Variants in AGPAT4 observed in about 807,000 individuals in gnomAD.
AGPAT4 encodes 1-acylglycerol-3-phosphate O-acyltransferase 4.
Under a neutral mutation model 48.0 loss-of-function variants are expected in AGPAT4, and 15 were observed. The ratio of observed to expected loss-of-function variants is 0.31; its 90% CI spans 0.21 to 0.48. The LOEUF (loss-of-function observed/expected upper bound fraction) is 0.48. AGPAT4 is among the 20% of genes least tolerant of loss of function. AGPAT4 has a pLI of 0.99. For missense variants in AGPAT4, 314 were observed against 482.5 expected (o/e 0.65, Z 3.27); for synonymous variants, 178 against 198.7 (o/e 0.90, Z 0.88).
chr6:161,183,060 C>T (rs542870407), intron 2 of AGPAT4, among the ~76,000 whole-genome samples: 2 of 152,276 alleles, frequency 1.3e-5, no homozygotes, highest in East Asian at 3.9e-4. Context: ...CTAGAGTTTC[C>T]TCCTGCCCCC....
At chr6:161,190,041 G>C (rs994728036) in intron 2 of AGPAT4, among the ~76,000 whole-genome samples, 12 of 152,146 alleles carry the variant, frequency 7.9e-5, no homozygotes, top group Admixed American at 7.9e-4. Context: ...GAATTAAAAC[G>C]AAACAGGGTG....
chr6:161,206,068 T>C lies in AGPAT4; in HGVS notation c.178+25968A>G, dbSNP rs1037861781. Among the ~76,000 whole-genome samples the C allele has an allele frequency of 1.3e-5, 2 of 152,058 alleles. No individual in the cohort carries two copies. The highest frequency in any genetic ancestry group is 2.9e-5 in the Non-Finnish European group (2 of 68,024). On this transcript the variant is annotated intron_variant, in intron 2 of 8. Coordinates refer to ENST00000320285, the MANE Select transcript of AGPAT4 (RefSeq NM_020133.3). This position sits in a 1 kb window ranked among gnomAD's most constrained non-coding sequence, Gnocchi z 4.8. ...CGTATGTTTTTTCAAGCCCGTGCGA[T>C]GTAGACAAAAAAAGCCCCAAGAAAA... is the stretch of plus-strand genomic sequence containing the variant.
chr6:161,210,095 C>A (rs1781483491), intron 2 of AGPAT4, among the ~76,000 whole-genome samples: 1 of 152,186 alleles, frequency 6.6e-6, no homozygotes, highest in Admixed American at 6.5e-5. Flanking sequence ...TTTGAAGACC[C>A]AGGATTCAGT....
rs938853583 is a variant in AGPAT4, at chr6:161,189,893, A to G, written c.179-23476T>C. 3.3e-5 allele frequency among the ~76,000 whole-genome samples: 5 copies of G among 152,194 alleles called. No homozygotes were observed. Among genetic ancestry groups the G allele is most frequent in the African/African-American group, 1.2e-4 (5 of 41,430 alleles). On this transcript the variant is annotated intron_variant, in intron 2 of 8. Transcript: ENST00000320285. This position sits in a 1 kb window ranked among gnomAD's most constrained non-coding sequence, Gnocchi z 5.3. ...GTTCTGAAATGCTCCGTTGGTTCAC[A>G]TTTTAACATGCTGAAATCAGGGTGT...
intron 2 of AGPAT4, among the ~76,000 whole-genome samples, chr6:161,179,154 G>A (rs1236852338): frequency 7.9e-5 from 12 of 152,128 alleles, no homozygotes; most frequent in Admixed American, 7.9e-4. Context: ...AAACTCAGGG[G>A]GCCATAAAGA....
At position 161,262,342 on chromosome 6, in the gene AGPAT4, C is replaced by T. The variant is rs141701831; in HGVS notation, c.-90+11596G>A. Among the ~76,000 whole-genome samples, 132 of 152,306 alleles carry T rather than the reference C, an allele frequency of 8.7e-4. No individual in the cohort carries two copies. Among genetic ancestry groups the T allele is most frequent in the African/African-American group, 3.0e-3 (126 of 41,574 alleles). ...GACTCTGCTGCCAGGACCTGAAAAG[C>T]GTGATGGAGCTGCAGCCATGGTGGC... On this transcript the variant is annotated intron_variant, in intron 1 of 8. Coordinates refer to ENST00000320285, the MANE Select transcript of AGPAT4 (RefSeq NM_020133.3). This position sits in a 1 kb window ranked among gnomAD's most constrained non-coding sequence, Gnocchi z 4.9.
intron 1 of AGPAT4, among the ~76,000 whole-genome samples, chr6:161,265,548 G>A (rs1024881548): frequency 6.6e-6 from 1 of 152,226 alleles, no homozygotes. Flanking sequence ...GGACTGCAGG[G>A]GCGCAGCACT....
chr6:161,139,342 A>G lies in AGPAT4; in HGVS notation c.1042+80T>C. On this transcript the variant is annotated intron_variant, in intron 8 of 8. Transcript: ENST00000320285. The surrounding 1 kb of genome is among the most constrained non-coding windows in gnomAD (Gnocchi z 9.1). Reference sequence around the variant, plus strand: ...ATCCACGGCACAACTGCCTATACAGATGGCCTTCGTCCCAGCCCTGATGCC... The same window carrying G: ...ATCCACGGCACAACTGCCTATACAGGTGGCCTTCGTCCCAGCCCTGATGCC... 1 of 1,484,850 alleles carries G rather than the reference A, an allele frequency of 6.7e-7. No individual in the cohort carries two copies. The highest frequency in any genetic ancestry group is 9.3e-7 in the Non-Finnish European group (1 of 1,080,104). 92.0% of individuals were successfully genotyped at this position (1,484,850 alleles called of 1,614,324 possible).
At position 161,154,088 on chromosome 6, in the gene AGPAT4, G is replaced by T; in HGVS notation, c.510+61C>A. ...ACGTGTCCTGTGGAAGTCACATGGG[G>T]GTCCCACGGTCACAGTCCTGCAGGA... On this transcript the variant is annotated intron_variant, in intron 4 of 8. Coordinates refer to ENST00000320285, the MANE Select transcript of AGPAT4 (RefSeq NM_020133.3). This position sits in a 1 kb window ranked among gnomAD's most constrained non-coding sequence, Gnocchi z 7.8. 3.7e-6 allele frequency: 6 copies of T among 1,607,432 alleles called. No homozygotes were observed. The highest frequency in any genetic ancestry group is 5.1e-6 in the Non-Finnish European group (6 of 1,176,016).
At chr6:161,263,906 A>G (rs1231140439) in intron 1 of AGPAT4, among the ~76,000 whole-genome samples, 1 of 152,216 alleles carries the variant, frequency 6.6e-6, no homozygotes, top group Non-Finnish European at 1.5e-5. Flanking sequence ...TTCTGTTACA[A>G]TATTTAGTAA....
rs1783283541 is a variant in AGPAT4, at chr6:161,266,936, A to G, written c.-90+7002T>C. On this transcript the variant is annotated intron_variant, in intron 1 of 8. Coordinates refer to ENST00000320285, the MANE Select transcript of AGPAT4 (RefSeq NM_020133.3). The surrounding 1 kb of genome is among the most constrained non-coding windows in gnomAD (Gnocchi z 6.2). ...TTCAAGTCTCCCATTCTCATTTCAG[A>G]GTTGATCTAAGATAAGCACTGGCAG... 6.6e-6 allele frequency among the ~76,000 whole-genome samples: 1 copy of G among 152,186 alleles called. No homozygotes were observed. The highest frequency in any genetic ancestry group is 1.5e-5 in the Non-Finnish European group (1 of 68,038).
chr6:161,247,665 C>T (rs1410885146), intron 1 of AGPAT4, among the ~76,000 whole-genome samples: 4 of 152,168 alleles, frequency 2.6e-5, no homozygotes, highest in African/African-American at 9.7e-5. Context: ...GATGCCCTCT[C>T]TCACCACGCC....
rs561261428 is a variant in AGPAT4 at position 161,146,028 on chromosome 6, G to T, written c.843+496C>A. 2.0e-5 allele frequency among the ~76,000 whole-genome samples: 3 copies of T among 151,750 alleles called. No homozygotes were observed. In the East Asian group the frequency reaches 5.8e-4, roughly 29 times the overall value. The stretch of plus-strand genomic sequence containing the variant: ...AGAGAAAGGACAGAACAAGTAGGGG[G>T]ACCCTGGAGAACTGGACCACAGACA... On this transcript the variant is annotated intron_variant, in intron 7 of 8. Coordinates refer to ENST00000320285, the MANE Select transcript of AGPAT4 (RefSeq NM_020133.3). This position sits in a 1 kb window ranked among gnomAD's most constrained non-coding sequence, Gnocchi z 7.1.
In AGPAT4 at chr6:161,163,802, G is replaced by A. The variant is rs573690076; in HGVS notation, c.348+2446C>T. On this transcript the variant is annotated intron_variant, in intron 3 of 8. Coordinates refer to ENST00000320285, the MANE Select transcript of AGPAT4 (RefSeq NM_020133.3). ...ATCCAGAAAACCCAAGGCCCCCACT[G>A]AGCAAGGCTCCCAAACTTCCAGTGA... is the stretch of plus-strand genomic sequence containing the variant. Among the ~76,000 whole-genome samples, 21 of 152,326 alleles carry A rather than the reference G, an allele frequency of 1.4e-4. No homozygotes were observed. The South Asian group carries it at 4.2e-3, about 30-fold the overall frequency.
Position 161,206,944 on chromosome 6 carries a change from G to C in AGPAT4, c.178+25092C>G, listed in dbSNP as rs1389095403. Among the ~76,000 whole-genome samples, 1 of 152,214 alleles carries C rather than the reference G, an allele frequency of 6.6e-6. No individual in the cohort carries two copies. ...GAGGAAAGAACCAGTGAACTCAAAGGCAGAACAGTAGAAATCAGCTCATCT... is the reference window on the plus strand; with the variant it reads ...GAGGAAAGAACCAGTGAACTCAAAGCCAGAACAGTAGAAATCAGCTCATCT... On this transcript the variant is annotated intron_variant, in intron 2 of 8. Coordinates refer to ENST00000320285, the MANE Select transcript of AGPAT4 (RefSeq NM_020133.3). This position sits in a 1 kb window ranked among gnomAD's most constrained non-coding sequence, Gnocchi z 4.8.
At position 161,139,130 on chromosome 6, in the gene AGPAT4, C is replaced by G. The variant is rs1316015821; in HGVS notation, c.1042+292G>C. Among the ~76,000 whole-genome samples the G allele has an allele frequency of 6.6e-6, 1 of 152,212 alleles. No homozygotes were observed. The highest frequency in any genetic ancestry group is 1.9e-4 in the East Asian group (1 of 5,180). ...GTCTGCGGAGGACAGGGAGGGAGCACTCCCAGCTGTCGGGGAGTGAAGTGG... is the reference window on the plus strand; with the variant it reads ...GTCTGCGGAGGACAGGGAGGGAGCAGTCCCAGCTGTCGGGGAGTGAAGTGG... On this transcript the variant is annotated intron_variant, in intron 8 of 8. Transcript: ENST00000320285. This position sits in a 1 kb window ranked among gnomAD's most constrained non-coding sequence, Gnocchi z 9.1.
In AGPAT4 at chr6:161,136,428, C is replaced by A; in HGVS notation, c.*112G>T. The A allele has an allele frequency of 1.1e-6, 1 of 916,668 alleles. No homozygotes were observed. The highest frequency in any genetic ancestry group is 1.7e-6 in the Non-Finnish European group (1 of 581,724). 56.8% of individuals were successfully genotyped at this position (916,668 alleles called of 1,614,324 possible). On this transcript the variant is annotated 3_prime_UTR_variant, in exon 9 of 9. Coordinates refer to ENST00000320285, the MANE Select transcript of AGPAT4 (RefSeq NM_020133.3). ...CCCTGGCTGGAGAGGTCGTGACTTCCGCCGTGCCCAGCAGGGGCTCACCCA... is the reference window on the plus strand; with the variant it reads ...CCCTGGCTGGAGAGGTCGTGACTTCAGCCGTGCCCAGCAGGGGCTCACCCA...
intron 2 of AGPAT4, among the ~76,000 whole-genome samples, chr6:161,186,979 G>A (rs755142621): frequency 1.6e-4 from 24 of 152,206 alleles, no homozygotes; most frequent in Admixed American, 3.3e-4. Context: ...AATCCCCCAC[G>A]AGGGACACAG....
In AGPAT4 at chr6:161,214,723, C is replaced by T. The variant is rs955164537; in HGVS notation, c.178+17313G>A. ...GGCAAAGGTTGCAGTGAGCCGAGAT[C>T]GTGCCACTGCACTCTAGCCTGGGTG... On this transcript the variant is annotated intron_variant, in intron 2 of 8. Transcript: ENST00000320285. This position sits in a 1 kb window ranked among gnomAD's most constrained non-coding sequence, Gnocchi z 5.4. 1.3e-5 allele frequency among the ~76,000 whole-genome samples: 2 copies of T among 152,110 alleles called. No homozygotes were observed. The highest frequency in any genetic ancestry group is 2.9e-5 in the Non-Finnish European group (2 of 68,002).
Sources: allele counts gnomAD v4.1 joint callset (sites outside exome capture counted in the v4.1 genomes callset), GRCh38; gene constraint gnomAD v4.1.1; non-coding constraint Gnocchi (gnomAD v3.1); transcripts MANE v1.5; gene names NCBI Gene and HGNC (gene_info 2026-07-23, HGNC 2026-07-21).